Variants in ZFAT observed in about 807,000 individuals in gnomAD.
The protein encoded by ZFAT is zinc finger and AT-hook domain containing, also known as zinc finger protein ZFAT.
A neutral mutation model predicts 117.7 loss-of-function variants in ZFAT; 64 were observed. That is an observed-to-expected ratio of 0.54 (90% CI 0.44 to 0.67). The LOEUF (loss-of-function observed/expected upper bound fraction) is 0.67. Among genes scored for constraint, ZFAT ranks in the 30% least tolerant of loss-of-function variants. ZFAT has a pLI of 0.00. For missense variants in ZFAT, 1,433 were observed against 1,584.5 expected, an observed-to-expected ratio of 0.90 and a Z score of 1.62; for synonymous variants, 679 against 615.0, an observed-to-expected ratio of 1.10 and a Z score of -1.54.
At chr8:134,824,996 G>C in the ZFAT span, among the ~76,000 whole-genome samples, 1 of 152,168 alleles carries the variant, frequency 6.6e-6, no homozygotes, top group African/African-American at 2.4e-5. Flanking sequence ...TCCTAACAAT[G>C]ACCTTCTGTC....
In ZFAT at chr8:134,509,673, A is replaced by T; in HGVS notation, c.3438T>A (p.Thr1146=). The change falls in exon 15 of 16, where the codon ACT becomes ACA. Residue 1146 remains threonine (T), a synonymous_variant. Coordinates refer to ENST00000377838, the MANE Select transcript of ZFAT (RefSeq NM_020863.4). ...CCATGGCAACCACCGAGGCAAGGGC[A>T]GTGGCGTCATGGGTCTCGGCGCCCA... The part of the protein sequence containing the change: ...IELGAETHDA[T]ALASVVAMAP... 1 of 1,613,360 alleles carries T rather than the reference A, an allele frequency of 6.2e-7. No homozygotes were observed. Among genetic ancestry groups the T allele is most frequent in the Non-Finnish European group, 8.5e-7 (1 of 1,179,772 alleles).
chr8:134,634,003 G>A (rs375605321), intron 3 of ZFAT, among the ~76,000 whole-genome samples: 22 of 152,144 alleles, frequency 1.4e-4, no homozygotes, highest in Middle Eastern at 3.4e-3. Context: ...CTGAGATTGC[G>A]CCACTGCACT....
upstream of ZFAT, among the ~76,000 whole-genome samples, chr8:134,717,015 C>G (rs117228982): frequency 7.0e-4 from 107 of 152,180 alleles, 1 homozygote; most frequent in East Asian, 0.017. Flanking sequence ...AGGTCAGGAC[C>G]AGTGGTCTCA....
chr8:134,562,480 T>C (rs531676831), intron 11 of ZFAT, among the ~76,000 whole-genome samples: 4 of 152,330 alleles, frequency 2.6e-5, no homozygotes, highest in Non-Finnish European at 4.4e-5. Context: ...CAATTTCATT[T>C]TGTTTGTCAG....
At chr8:134,819,387 C>G in the ZFAT span, among the ~76,000 whole-genome samples, 601 of 151,704 alleles carry the variant, frequency 4.0e-3, 4 homozygotes, top group African/African-American at 0.014. Flanking sequence ...ACTTTTAATT[C>G]ATGTTTATAG....
At chr8:134,581,598 G>A (rs182345592) in intron 10 of ZFAT, among the ~76,000 whole-genome samples, 1 of 152,044 alleles carries the variant, frequency 6.6e-6, no homozygotes, top group Admixed American at 6.5e-5. Flanking sequence ...TGGCAGGGGG[G>A]GTGTAGGGAA....
chr8:134,692,548 T>C (rs1833633051), intron 1 of ZFAT, among the ~76,000 whole-genome samples: 1 of 152,202 alleles, frequency 6.6e-6, no homozygotes, highest in Admixed American at 6.5e-5. Context: ...AACTCAGTCC[T>C]TTCACTGAAA....
intron 15 of ZFAT, among the ~76,000 whole-genome samples, chr8:134,490,631 G>A (rs1043937231): frequency 6.6e-6 from 1 of 152,208 alleles, no homozygotes; most frequent in Non-Finnish European, 1.5e-5. Context: ...GCTGCTGTCT[G>A]GAATTGATAT....
At chr8:134,822,387 TG>T in the ZFAT span, among the ~76,000 whole-genome samples, 19 of 152,232 alleles carry the variant, frequency 1.2e-4, no homozygotes, top group African/African-American at 4.6e-4. Context: ...ATATGTTCTC[TG>T]CATACTCTGG....
chr8:134,487,556 C>T (rs1368704598), intron 15 of ZFAT, among the ~76,000 whole-genome samples: 1 of 152,342 alleles, frequency 6.6e-6, no homozygotes, highest in African/African-American at 2.4e-5. Flanking sequence ...CTTCCTGTAA[C>T]CTTCAAAAGA....
chr8:134,490,842 C>T (rs1213132013), intron 15 of ZFAT, among the ~76,000 whole-genome samples: 1 of 152,140 alleles, frequency 6.6e-6, no homozygotes, highest in Non-Finnish European at 1.5e-5. Context: ...CTCTCACATC[C>T]CTCCCTCAGA....
intron 3 of ZFAT, among the ~76,000 whole-genome samples, chr8:134,625,977 C>A (rs1489557018): frequency 6.6e-6 from 1 of 152,226 alleles, no homozygotes; most frequent in Non-Finnish European, 1.5e-5. Flanking sequence ...CTCCCTTTGC[C>A]TCCAGACACC....
At chr8:134,605,714 T>C (rs1292341566) in intron 5 of ZFAT, among the ~76,000 whole-genome samples, 1 of 152,188 alleles carries the variant, frequency 6.6e-6, no homozygotes, top group Non-Finnish European at 1.5e-5. Context: ...TGGGAAGCTG[T>C]TCGAAGGTAC....
intron 3 of ZFAT, among the ~76,000 whole-genome samples, chr8:134,615,377 C>T (rs370597639): frequency 3.9e-5 from 6 of 152,056 alleles, no homozygotes; most frequent in Admixed American, 2.0e-4. Context: ...TTAGTAGAGA[C>T]GGGGTTTCGC....
intron 1 of ZFAT, among the ~76,000 whole-genome samples, chr8:134,691,435 A>G (rs897463151): frequency 6.6e-6 from 1 of 152,248 alleles, no homozygotes; most frequent in Non-Finnish European, 1.5e-5. Flanking sequence ...TAGCAGGTCC[A>G]TTCACACACA....
the ZFAT span, among the ~76,000 whole-genome samples, chr8:134,774,597 G>T: frequency 6.6e-6 from 1 of 152,176 alleles, no homozygotes; most frequent in African/African-American, 2.4e-5. Context: ...TAGGTATAAT[G>T]TTACTGCACA....
chr8:134,716,845 G>C (rs1391010871), upstream of ZFAT, among the ~76,000 whole-genome samples: 1 of 152,226 alleles, frequency 6.6e-6, no homozygotes, highest in Non-Finnish European at 1.5e-5. Flanking sequence ...TTAGTAAAGA[G>C]ACAGGTTTGG....
At chr8:134,814,550 A>G in the ZFAT span, among the ~76,000 whole-genome samples, 1 of 152,230 alleles carries the variant, frequency 6.6e-6, no homozygotes, top group African/African-American at 2.4e-5. Context: ...TGGGAGGCAA[A>G]CAAGTGCAAG....
rs1817025472 is a variant in ZFAT at position 134,478,351 on chromosome 8, T to TG, written c.*130_*131insC. 2.3e-5 allele frequency: 32 copies of TG among 1,383,194 alleles called. No individual in the cohort carries two copies. The highest frequency in any genetic ancestry group is 3.1e-5 in the Non-Finnish European group (32 of 1,040,634). 85.7% of individuals were successfully genotyped at this position (1,383,194 alleles called of 1,614,324 possible). Reference sequence around the variant, plus strand: ...CCCAAGTTGGACTAGGAGAGTCCTATCAGGCTGCTGGGCAGGGAGGGCAAA... The same window carrying TG: ...CCCAAGTTGGACTAGGAGAGTCCTATGCAGGCTGCTGGGCAGGGAGGGCAAA... On this transcript the variant is annotated 3_prime_UTR_variant, in exon 16 of 16. Transcript: ENST00000377838. The surrounding 1 kb of genome is among the most constrained non-coding windows in gnomAD (Gnocchi z 5.2).
Sources: allele counts gnomAD v4.1 joint callset (sites outside exome capture counted in the v4.1 genomes callset), GRCh38; gene constraint gnomAD v4.1.1; non-coding constraint Gnocchi (gnomAD v3.1); transcripts MANE v1.5; gene names NCBI Gene and HGNC (gene_info 2026-07-23, HGNC 2026-07-21).